The following ADAMTS2 variants were observed in gnomAD, a reference collection of about 807,000 sequenced individuals.
ADAMTS2 encodes A disintegrin and metalloproteinase with thrombospondin motifs 2.
ADAMTS2 carries 50 observed loss-of-function variants against 123.0 expected under a neutral mutation model. That is an observed-to-expected ratio of 0.41 (90% CI 0.32 to 0.51). The LOEUF (loss-of-function observed/expected upper bound fraction) is 0.51. Ranked by LOEUF, ADAMTS2 falls within the 20% of genes least tolerant of loss-of-function variation. The pLI is 0.35. For missense variants in ADAMTS2, 1,494 were observed against 1,705.2 expected, an observed-to-expected ratio of 0.88 and a Z score of 2.18; for synonymous variants, 678 against 695.4, an observed-to-expected ratio of 0.98 and a Z score of 0.39.
At chr5:179,201,861 C>CA (rs2113361922) in intron 4 of ADAMTS2, among the ~76,000 whole-genome samples, 1 of 151,740 alleles carries the variant, frequency 6.6e-6, no homozygotes, top group Admixed American at 6.6e-5. Flanking sequence ...TTCAATAAAC[C>CA]AAAAAACATG....
chr5:179,172,868 A>T (rs940236205), intron 5 of ADAMTS2, among the ~76,000 whole-genome samples: 12 of 152,110 alleles, frequency 7.9e-5, no homozygotes, highest in Non-Finnish European at 1.2e-4. Flanking sequence ...CATTTAAAAA[A>T]TTTAAATTTC....
Position 179,165,047 on chromosome 5 carries a change from G to A in ADAMTS2, c.976-6168C>T, listed in dbSNP as rs578133794. Among the ~76,000 whole-genome samples the A allele has an allele frequency of 1.3e-3, 203 of 152,346 alleles. 1 individual carries two copies. The highest frequency in any genetic ancestry group is 7.2e-3 in the South Asian group (35 of 4,828). ...AAGGCCCTCGCTACTGGAGGCAGTC[G>A]GAACCCAAGGGAAGAGCCAAGCTCA... On this transcript the variant is annotated intron_variant, in intron 5 of 21. Transcript: ENST00000251582.
chr5:179,145,439 C>T lies in ADAMTS2; in HGVS notation c.1630-5404G>A, dbSNP rs115702096. Among the ~76,000 whole-genome samples the T allele has an allele frequency of 3.7e-3, 562 of 152,252 alleles. 3 individuals carry two copies. The highest frequency in any genetic ancestry group is 0.013 in the African/African-American group (542 of 41,554). On this transcript the variant is annotated intron_variant, in intron 10 of 21. Coordinates refer to ENST00000251582, the MANE Select transcript of ADAMTS2 (RefSeq NM_014244.5). ...ACACGAATGTTTGTGCGGTATTTCC[C>T]ATCATTACCGAAAGGTGGAAACAAC...
intron 3 of ADAMTS2, among the ~76,000 whole-genome samples, chr5:179,264,584 T>C (rs1212262027): frequency 6.6e-6 from 1 of 152,190 alleles, no homozygotes; most frequent in Non-Finnish European, 1.5e-5. Context: ...TGTTACCTTG[T>C]GCAAAACCCG....
chr5:179,334,523 G>A (rs144874548), intron 2 of ADAMTS2, among the ~76,000 whole-genome samples: 205 of 152,326 alleles, frequency 1.3e-3, no homozygotes, highest in African/African-American at 4.6e-3. Flanking sequence ...CACAGCAAGC[G>A]CTGTATTAAG....
Position 179,175,709 on chromosome 5 carries a change from G to T in ADAMTS2, c.975+5363C>A, listed in dbSNP as rs142624446. Reference sequence around the variant, plus strand: ...ACCGTGGATTCTTTTAGGTTTTCCCGACACATGATTAACAGCAAACAATGA... The same window carrying T: ...ACCGTGGATTCTTTTAGGTTTTCCCTACACATGATTAACAGCAAACAATGA... On this transcript the variant is annotated intron_variant, in intron 5 of 21. Transcript: ENST00000251582. The surrounding 1 kb of genome is among the most constrained non-coding windows in gnomAD (Gnocchi z 4.1). Among the ~76,000 whole-genome samples, 1 of 152,284 alleles carries T rather than the reference G, an allele frequency of 6.6e-6. No homozygotes were observed. The highest frequency in any genetic ancestry group is 1.9e-4 in the East Asian group (1 of 5,190).
In ADAMTS2 at chr5:179,269,384, C is replaced by A. The variant is rs1169705000; in HGVS notation, c.688+3527G>T. ...AAAAGAAAGAGGTTTATTGGACTTA[C>A]AGTTCCACATGGCTGGGGAGGCCTC... On this transcript the variant is annotated intron_variant, in intron 3 of 21. Transcript: ENST00000251582. Among the ~76,000 whole-genome samples the A allele has an allele frequency of 7.0e-5, 10 of 143,598 alleles. No homozygotes were observed. The South Asian group carries it at 1.8e-3, about 26-fold the overall frequency. 94.2% of individuals were successfully genotyped at this position (143,598 alleles called of 152,430 possible). A position where few individuals can be genotyped will look rare whatever the true frequency, so the allele number is the denominator to read the frequency against.
rs567145365 is a variant in ADAMTS2, at chr5:179,343,636, A to T, written c.534+131T>A. 19 of 1,296,298 alleles carry T rather than the reference A, an allele frequency of 1.5e-5. No homozygotes were observed. In the African/African-American group the frequency reaches 2.6e-4, roughly 18 times the overall value. 80.3% of individuals were successfully genotyped at this position (1,296,298 alleles called of 1,614,324 possible). On this transcript the variant is annotated intron_variant, in intron 2 of 21. Coordinates refer to ENST00000251582, the MANE Select transcript of ADAMTS2 (RefSeq NM_014244.5). ...GCCCTTCAGTTGGAGCACGAGGCTCACTAAAGCACGGGAAGGGCGCGGAAA... is the reference window on the plus strand; with the variant it reads ...GCCCTTCAGTTGGAGCACGAGGCTCTCTAAAGCACGGGAAGGGCGCGGAAA...
chr5:179,135,936 G>A lies in ADAMTS2; in HGVS notation c.2058C>T (p.Phe686=), dbSNP rs779143422. ...DGTRCSYKDA[F]SLCVRGDCRK... ...TGCAGTCCCCGCGCACACAGAGGCTGAAGGCGTCCTTGTAGGAGCAGCGCG... is the reference window on the plus strand; with the variant it reads ...TGCAGTCCCCGCGCACACAGAGGCTAAAGGCGTCCTTGTAGGAGCAGCGCG... The change falls in exon 13 of 22, where the codon TTC becomes TTT. Residue 686 remains phenylalanine, a synonymous_variant. Transcript: ENST00000251582. 1 of 1,613,280 alleles carries A rather than the reference G, an allele frequency of 6.2e-7. No homozygotes were observed. The highest frequency in any genetic ancestry group is 2.2e-5 in the East Asian group (1 of 44,880).
intron 2 of ADAMTS2, among the ~76,000 whole-genome samples, chr5:179,299,527 T>TGAAACACACACACACACA (rs1756448758): frequency 7.3e-5 from 1 of 13,702 alleles, no homozygotes; most frequent in South Asian, 6.1e-3. Context: ...AGACTCCAAC[T>TGAAACACACACACACACA]CAAACACACA....
chr5:179,317,332 A>G lies in ADAMTS2; in HGVS notation c.534+26435T>C. 6.6e-6 allele frequency among the ~76,000 whole-genome samples: 1 copy of G among 152,180 alleles called. No homozygotes were observed. Among genetic ancestry groups the G allele is most frequent in the East Asian group, 1.9e-4 (1 of 5,192 alleles). ...CTAGCAGAGTCGCTGATATGGTAAC[A>G]CAATATCACACATCTCATCCAAGCC... On this transcript the variant is annotated intron_variant, in intron 2 of 21. Transcript: ENST00000251582. The surrounding 1 kb of genome is among the most constrained non-coding windows in gnomAD (Gnocchi z 4.9).
chr5:179,208,142 C>CA (rs1437562879), intron 3 of ADAMTS2, among the ~76,000 whole-genome samples: 1 of 101,456 alleles, frequency 9.9e-6, no homozygotes, highest in Non-Finnish European at 2.7e-5. Context: ...TGGGCAGAGC[C>CA]ACCCCTTGCC....
chr5:179,164,235 G>T (rs1763654543), intron 5 of ADAMTS2, among the ~76,000 whole-genome samples: 1 of 152,240 alleles, frequency 6.6e-6, no homozygotes, highest in African/African-American at 2.4e-5. Flanking sequence ...CAGAGATCTT[G>T]TCCTTGCTGG....
At chr5:179,275,088 C>CA (rs1766659048) in intron 2 of ADAMTS2, among the ~76,000 whole-genome samples, 1 of 152,120 alleles carries the variant, frequency 6.6e-6, no homozygotes, top group Non-Finnish European at 1.5e-5. Context: ...GGTGGCCCAT[C>CA]ACTCAGGGGG....
chr5:179,207,506 C>CCCCCCCA lies in ADAMTS2; in HGVS notation c.891+6_891+7insTGGGGGG. On this transcript the variant is annotated splice_region_variant and intron_variant, in intron 4 of 21. Coordinates refer to ENST00000251582, the MANE Select transcript of ADAMTS2 (RefSeq NM_014244.5). ...CCCCACCCTGCCCCCTCAGCCACCC[C>CCCCCCCA]ACTCACAATGTTCATGAGTGTCAGC... The CCCCCCCA allele has an allele frequency of 6.2e-7, 1 of 1,607,716 alleles. No homozygotes were observed. Among genetic ancestry groups the CCCCCCCA allele is most frequent in the Non-Finnish European group, 8.5e-7 (1 of 1,175,800 alleles).
At chr5:179,122,806 C>T (rs1440132129) in intron 19 of ADAMTS2, 33 bp from the exon 20 acceptor site, 1 of 1,551,710 alleles carries the variant, frequency 6.4e-7, no homozygotes, top group Non-Finnish European at 8.7e-7. Flanking sequence ...CAGGGTTCAC[C>T]TCCCACACAG....
intron 3 of ADAMTS2, among the ~76,000 whole-genome samples, chr5:179,247,105 T>C (rs1765818671): frequency 6.6e-6 from 1 of 152,036 alleles, no homozygotes; most frequent in Admixed American, 6.6e-5. Flanking sequence ...TTAAATGTGT[T>C]CAAAGAACTA....
intron 10 of ADAMTS2, among the ~76,000 whole-genome samples, chr5:179,147,720 A>G (rs1763277386): frequency 2.0e-5 from 3 of 152,170 alleles, no homozygotes; most frequent in African/African-American, 4.8e-5. Context: ...AATCATGGCA[A>G]TAAGCCAAAA....
chr5:179,133,029 GATTAC>G, intron 13 of ADAMTS2, 129 bp from the exon 14 acceptor site: 1 of 1,274,848 alleles, frequency 7.8e-7, no homozygotes, highest in Non-Finnish European at 1.1e-6. Flanking sequence ...AAAGCATTGG[GATTAC>G]AGGCGTGAAC....
Sources: allele counts gnomAD v4.1 joint callset (sites outside exome capture counted in the v4.1 genomes callset), GRCh38; gene constraint gnomAD v4.1.1; non-coding constraint Gnocchi (gnomAD v3.1); transcripts MANE v1.5; gene names NCBI Gene and HGNC (gene_info 2026-07-23, HGNC 2026-07-21).